CEP128: variants seen among roughly 807,000 people sequenced by gnomAD.
The protein encoded by CEP128 is centrosomal protein 128, also known as centrosomal protein 128kDa.
Under a neutral mutation model 156.7 loss-of-function variants are expected in CEP128, and 132 were observed. The observed-to-expected ratio is 0.84, with a 90% CI of 0.73 to 0.97. The LOEUF is 0.97. Ranked by LOEUF, CEP128 falls within the 50% of genes least tolerant of loss-of-function variation. The probability of loss-of-function intolerance (pLI) is 0.00; values close to 1 mark genes in which losing one functional copy is unlikely to be tolerated. For missense variants in CEP128, 1,252 were observed against 1,281.9 expected (o/e 0.98, Z 0.36); for synonymous variants, 469 against 448.9 (o/e 1.04, Z -0.57).
At chr14:80,534,551 C>T (rs906966457) in intron 21 of CEP128, among the ~76,000 whole-genome samples, 1 of 152,132 alleles carries the variant, frequency 6.6e-6, no homozygotes, top group African/African-American at 2.4e-5. Flanking sequence ...CAGGGCCGGA[C>T]GTGGTGGCTC....
chr14:80,548,077 G>A (rs779111810), intron 21 of CEP128, among the ~76,000 whole-genome samples: 106 of 152,154 alleles, frequency 7.0e-4, no homozygotes, highest in Admixed American at 1.2e-3. Flanking sequence ...TGGGATTACA[G>A]GTGTGAGCCA....
At chr14:80,705,200 G>T (rs771242916) in intron 19 of CEP128, among the ~76,000 whole-genome samples, 3 of 151,798 alleles carry the variant, frequency 2.0e-5, no homozygotes, top group Admixed American at 1.3e-4. Flanking sequence ...ATCATGCAAT[G>T]CAATTTCATG....
At chr14:80,508,625 T>C (rs1023252280) in intron 23 of CEP128, among the ~76,000 whole-genome samples, 24 of 152,202 alleles carry the variant, frequency 1.6e-4, no homozygotes, top group Admixed American at 1.6e-3. Flanking sequence ...CATATTTTTA[T>C]GTATTTAACA....
chr14:80,869,111 C>T (rs1887909822), intron 8 of CEP128, among the ~76,000 whole-genome samples: 1 of 151,962 alleles, frequency 6.6e-6, no homozygotes, highest in African/African-American at 2.4e-5. Context: ...TTGATCTACA[C>T]TTTAGAACAA....
chr14:80,860,197 A>G (rs1887447901), intron 9 of CEP128, among the ~76,000 whole-genome samples: 2 of 152,218 alleles, frequency 1.3e-5, no homozygotes, highest in Non-Finnish European at 2.9e-5. Context: ...TGGGAGCAGG[A>G]AAATACATCA....
chr14:80,670,205 G>T (rs1489598620), intron 19 of CEP128, among the ~76,000 whole-genome samples: 26 of 152,158 alleles, frequency 1.7e-4, no homozygotes, highest in Admixed American at 1.7e-3. Flanking sequence ...TTCAACATGA[G>T]ATTTAAGCAG....
chr14:80,734,545 T>C (rs1456900920), intron 19 of CEP128, among the ~76,000 whole-genome samples: 1 of 152,092 alleles, frequency 6.6e-6, no homozygotes, highest in Non-Finnish European at 1.5e-5. Context: ...TAGATGTTAT[T>C]ACTGTTTAAA....
At chr14:80,561,660 T>C (rs932769214) in intron 20 of CEP128, among the ~76,000 whole-genome samples, 1 of 152,138 alleles carries the variant, frequency 6.6e-6, no homozygotes, top group African/African-American at 2.4e-5. Flanking sequence ...TTTAAAAGCA[T>C]ACCTAGAACT....
At chr14:80,744,428 G>T (rs1462799356) in intron 18 of CEP128, among the ~76,000 whole-genome samples, 1 of 152,146 alleles carries the variant, frequency 6.6e-6, no homozygotes, top group Admixed American at 6.5e-5. Context: ...CTTCTGGAAT[G>T]ATGATATATA....
chr14:80,701,351 GTC>G (rs1897068887), intron 19 of CEP128, among the ~76,000 whole-genome samples: 1 of 152,158 alleles, frequency 6.6e-6, no homozygotes, highest in Admixed American at 6.6e-5. Flanking sequence ...ACATACCCAG[GTC>G]TCAGAAGAGT....
chr14:80,580,039 T>C (rs1272606627), intron 20 of CEP128, among the ~76,000 whole-genome samples: 6 of 152,220 alleles, frequency 3.9e-5, no homozygotes, highest in Non-Finnish European at 7.3e-5. Context: ...CTTGAAAATG[T>C]AGATTCCATG....
At position 80,700,559 on chromosome 14, in the gene CEP128, A is replaced by G. The variant is rs146149907; in HGVS notation, c.2806+42516T>C. Among the ~76,000 whole-genome samples, 394 of 152,224 alleles carry G rather than the reference A, an allele frequency of 2.6e-3. 3 individuals are homozygous for G. The highest frequency in any genetic ancestry group is 8.3e-3 in the African/African-American group (344 of 41,516). On this transcript the variant is annotated intron_variant, in intron 19 of 24. Transcript: ENST00000555265. ...AAAAGCCATATTTCAGAGACCATATATGTTATGCTTAAATATTTTTAAATC... is the reference window on the plus strand; with the variant it reads ...AAAAGCCATATTTCAGAGACCATATGTGTTATGCTTAAATATTTTTAAATC...
chr14:80,892,360 C>G (rs577888986), intron 8 of CEP128, among the ~76,000 whole-genome samples: 3 of 151,704 alleles, frequency 2.0e-5, no homozygotes, highest in African/African-American at 7.3e-5. Flanking sequence ...ATTTCACACA[C>G]AAAAGAATCT....
At chr14:80,901,201 G>A (rs1000123407) in intron 6 of CEP128, among the ~76,000 whole-genome samples, 29 of 150,880 alleles carry the variant, frequency 1.9e-4, no homozygotes, top group African/African-American at 6.6e-4. Flanking sequence ...GCGAGACTCC[G>A]TCTCAAAAAA....
chr14:80,798,518 G>C (rs916459011), intron 13 of CEP128, among the ~76,000 whole-genome samples: 16 of 152,168 alleles, frequency 1.1e-4, no homozygotes, highest in African/African-American at 3.9e-4. Flanking sequence ...TTAGGGGCTA[G>C]TCACTTGGGC....
At chr14:80,609,510 C>T (rs1464807880) in intron 19 of CEP128, among the ~76,000 whole-genome samples, 1 of 152,182 alleles carries the variant, frequency 6.6e-6, no homozygotes, top group East Asian at 1.9e-4. Flanking sequence ...CATTTTCCCA[C>T]ATGGTGATGG....
At chr14:80,504,578 G>T (rs1426205809) in intron 24 of CEP128, among the ~76,000 whole-genome samples, 2 of 152,086 alleles carry the variant, frequency 1.3e-5, no homozygotes, top group East Asian at 3.8e-4. Flanking sequence ...TCAATTTTTT[G>T]ATAATTTGAA....
intron 19 of CEP128, among the ~76,000 whole-genome samples, chr14:80,630,515 A>G (rs1344663194): frequency 6.6e-6 from 1 of 152,040 alleles, no homozygotes; most frequent in Non-Finnish European, 1.5e-5. Flanking sequence ...CAGAAAAAGA[A>G]GCTCTAAAAA....
At chr14:80,945,855 C>G (rs564337623), upstream of CEP128, 4 of 152,196 alleles carry the variant, frequency 2.6e-5, no homozygotes, top group Admixed American at 6.5e-5. Flanking sequence ...ATACAGCCCC[C>G]GTTCCTGACA....
Sources: allele counts gnomAD v4.1 joint callset (sites outside exome capture counted in the v4.1 genomes callset), GRCh38; gene constraint gnomAD v4.1.1; transcripts MANE v1.5; gene names NCBI Gene and HGNC (gene_info 2026-07-23, HGNC 2026-07-21).